Variants in ERG observed in about 807,000 individuals in gnomAD.
ERG encodes ETS transcription factor ERG.
A neutral mutation model predicts 55.3 loss-of-function variants in ERG; 9 were observed. That is an observed-to-expected ratio of 0.16 (90% confidence interval 0.10 to 0.28). The LOEUF is 0.28. Ranked by LOEUF, ERG falls within the 10% of genes least tolerant of loss-of-function variation. The pLI is 1.00. For synonymous variants in ERG, 223 were observed against 237.3 expected (o/e 0.94, Z 0.55); for missense variants, 434 against 631.6 (o/e 0.69, Z 3.35).
At chr21:38,639,922 T>A (rs2060413401) in intron 1 of ERG, among the ~76,000 whole-genome samples, 1 of 152,114 alleles carries the variant, frequency 6.6e-6, no homozygotes, top group Admixed American at 6.5e-5. Context: ...AGGGCAGAGA[T>A]GCCAGGACAG....
rs866682030 is a variant in ERG at position 38,423,473 on chromosome 21, C to G, written c.325G>C (p.Glu109Gln). 6.2e-7 allele frequency: 1 copy of G among 1,614,162 alleles called. No homozygotes were observed. Among genetic ancestry groups the G allele is most frequent in the Non-Finnish European group, 8.5e-7 (1 of 1,180,020 alleles). ...TVGMNYGSYM[E>Q]EKHMPPPNMT... ...TTTGGGGGTGGCATGTGCTTCTCCT[C>G]CATGTAGCTGCCGTAGTTCATCCCA... Residue 109 changes from glutamate to glutamine, a missense_variant, in exon 3 of 10, where the codon GAG (glutamate) becomes CAG (glutamine). Around this residue, in one of 5 missense-constraint regions of ERG, gnomAD observed 212 missense variants for 262.9 expected, o/e 0.81. Coordinates refer to ENST00000288319, the MANE Select transcript of ERG (RefSeq NM_182918.4).
At chr21:38,654,423 G>T (rs1300481276) in intron 1 of ERG, among the ~76,000 whole-genome samples, 1 of 152,232 alleles carries the variant, frequency 6.6e-6, no homozygotes, top group Non-Finnish European at 1.5e-5. Flanking sequence ...AGTGAGCCAA[G>T]AATGTGCCAT....
In ERG at chr21:38,382,408, G is replaced by A; in HGVS notation, c.*995C>T. ...GAACAAAGCCCCCACATAATGATGA[G>A]GTCCTGAATGTTTCTCTTAAATATC... On this transcript the variant is annotated 3_prime_UTR_variant, in exon 10 of 10. Coordinates refer to ENST00000288319, the MANE Select transcript of ERG (RefSeq NM_182918.4). 9.4e-7 allele frequency: 1 copy of A among 1,060,706 alleles called. No homozygotes were observed. Among genetic ancestry groups the A allele is most frequent in the Non-Finnish European group, 1.1e-6 (1 of 876,096 alleles). 65.7% of individuals were successfully genotyped at this position (1,060,706 alleles called of 1,614,324 possible). A position where few individuals can be genotyped will look rare whatever the true frequency, so the allele number is the denominator to read the frequency against.
intron 1 of ERG, among the ~76,000 whole-genome samples, chr21:38,454,930 G>GT (rs1015444916): frequency 5.3e-5 from 8 of 152,036 alleles, no homozygotes; most frequent in Non-Finnish European, 1.5e-5. Context: ...TCTTTTGTGG[G>GT]TTTTCCATTC....
intron 1 of ERG, among the ~76,000 whole-genome samples, chr21:38,660,855 GCGTGTC>G (rs1568979112): frequency 6.6e-6 from 1 of 151,876 alleles, no homozygotes; most frequent in African/African-American, 2.4e-5. Flanking sequence ...TCGAGTGCGC[GCGTGTC>G]CGTGTGCGCG....
chr21:38,403,159 T>C (rs1343282849), intron 4 of ERG, among the ~76,000 whole-genome samples: 1 of 152,224 alleles, frequency 6.6e-6, no homozygotes, highest in Non-Finnish European at 1.5e-5. Context: ...AATGATTCTA[T>C]TTCGATTCGG....
intron 1 of ERG, among the ~76,000 whole-genome samples, chr21:38,599,577 G>A (rs2060152210): frequency 6.6e-6 from 1 of 152,230 alleles, no homozygotes; most frequent in African/African-American, 2.4e-5. Context: ...AAGGAGAGGA[G>A]TGGGTGTGCA....
chr21:38,544,280 G>T (rs1024266092), intron 2 of ERG, among the ~76,000 whole-genome samples: 11 of 152,160 alleles, frequency 7.2e-5, no homozygotes, highest in African/African-American at 2.7e-4. Context: ...AGGTGGTTAG[G>T]GCCCTCAGGC....
chr21:38,614,586 G>A (rs767795197), intron 1 of ERG, among the ~76,000 whole-genome samples: 1 of 152,206 alleles, frequency 6.6e-6, no homozygotes, highest in Non-Finnish European at 1.5e-5. Flanking sequence ...AGCCACCCTG[G>A]GACCATGCAG....
chr21:38,439,455 G>C (rs2058820358), intron 2 of ERG, among the ~76,000 whole-genome samples: 2 of 152,342 alleles, frequency 1.3e-5, no homozygotes, highest in African/African-American at 4.8e-5. Flanking sequence ...CCTTGGTGTG[G>C]ATGGCACAGG....
At chr21:38,420,054 A>G (rs1225678410) in intron 3 of ERG, among the ~76,000 whole-genome samples, 1 of 147,288 alleles carries the variant, frequency 6.8e-6, no homozygotes, top group Non-Finnish European at 1.5e-5. Flanking sequence ...TCACTCAGCT[A>G]TCCGTGTGAT....
the ERG span, among the ~76,000 whole-genome samples, chr21:38,374,326 TGTC>T: frequency 6.6e-6 from 1 of 152,234 alleles, no homozygotes; most frequent in Non-Finnish European, 1.5e-5. Context: ...TGTAAACAGT[TGTC>T]GACCAGCTAG....
chr21:38,589,595 G>A (rs2060087562), upstream of ERG, among the ~76,000 whole-genome samples: 1 of 152,188 alleles, frequency 6.6e-6, no homozygotes, highest in African/African-American at 2.4e-5. Context: ...CGAGCTAGAG[G>A]ACTTCTAGGA....
At chr21:38,628,056 C>T (rs918773234) in intron 1 of ERG, among the ~76,000 whole-genome samples, 3 of 151,684 alleles carry the variant, frequency 2.0e-5, no homozygotes, top group African/African-American at 7.3e-5. Flanking sequence ...TCATGCACAC[C>T]TCCCACCTCA....
chr21:38,464,770 G>A (rs2146604552), intron 1 of ERG, among the ~76,000 whole-genome samples: 1 of 151,596 alleles, frequency 6.6e-6, no homozygotes, highest in East Asian at 2.0e-4. Flanking sequence ...TTGTGTCCAT[G>A]TATTCTCTTG....
chr21:38,642,105 G>A (rs1339416822), intron 1 of ERG, among the ~76,000 whole-genome samples: 1 of 152,192 alleles, frequency 6.6e-6, no homozygotes, highest in East Asian at 1.9e-4. Flanking sequence ...AAGTAATGTG[G>A]CATTAAAAAT....
chr21:38,545,357 A>G (rs2059781515), intron 2 of ERG, among the ~76,000 whole-genome samples: 1 of 152,188 alleles, frequency 6.6e-6, no homozygotes, highest in Non-Finnish European at 1.5e-5. Context: ...ACTCAGAGGT[A>G]AACGCTCCCT....
chr21:38,594,259 T>C (rs1028979656), intron 1 of ERG, among the ~76,000 whole-genome samples: 1 of 152,088 alleles, frequency 6.6e-6, no homozygotes, highest in East Asian at 1.9e-4. Flanking sequence ...CTGGACACAA[T>C]TGGGAAATAA....
At chr21:38,393,885 AT>A (rs1988085669) in intron 6 of ERG, among the ~76,000 whole-genome samples, 1 of 152,076 alleles carries the variant, frequency 6.6e-6, no homozygotes, top group Non-Finnish European at 1.5e-5. Context: ...GCATTTTTGC[AT>A]TTTTGGACGT....
Sources: allele counts gnomAD v4.1 joint callset (sites outside exome capture counted in the v4.1 genomes callset), GRCh38; gene constraint gnomAD v4.1.1; regional missense constraint gnomAD v4.1.1; transcripts MANE v1.5; gene names NCBI Gene and HGNC (gene_info 2026-07-23, HGNC 2026-07-21).